Variants in BTBD7 observed in about 807,000 individuals in gnomAD.
The protein encoded by BTBD7 is BTB/POZ domain-containing protein 7.
BTBD7 carries 38 observed loss-of-function variants against 99.9 expected under a neutral mutation model. The observed-to-expected ratio is 0.38, with a 90% CI of 0.29 to 0.50. BTBD7 has a LOEUF of 0.50. Ranked by LOEUF, BTBD7 falls within the 20% of genes least tolerant of loss-of-function variation. BTBD7 has a pLI of 0.93. For synonymous variants in BTBD7, 520 were observed against 511.4 expected (o/e 1.02, Z -0.23); for missense variants, 1,170 against 1,394.6 (o/e 0.84, Z 2.57).
chr14:93,264,301 C>T (rs1054399093), intron 3 of BTBD7, among the ~76,000 whole-genome samples: 2 of 151,928 alleles, frequency 1.3e-5, no homozygotes, highest in African/African-American at 2.4e-5. Flanking sequence ...AGACATTGGA[C>T]CAAAAGGGAA....
chr14:93,319,228 C>T (rs2053242278), intron 1 of BTBD7, among the ~76,000 whole-genome samples: 1 of 152,122 alleles, frequency 6.6e-6, no homozygotes, highest in South Asian at 2.1e-4. Context: ...ATAACAACAA[C>T]CAAAACCAAA....
At chr14:93,281,873 TA>T (rs2052724733) in intron 3 of BTBD7, among the ~76,000 whole-genome samples, 1 of 152,236 alleles carries the variant, frequency 6.6e-6, no homozygotes, top group African/African-American at 2.4e-5. Flanking sequence ...TGAAATGAAT[TA>T]ATTCAGAGGT....
At chr14:93,289,851 C>CTTTTTTT (rs34820136) in intron 3 of BTBD7, among the ~76,000 whole-genome samples, 1 of 98,458 alleles carries the variant, frequency 1.0e-5, no homozygotes, top group Non-Finnish European at 2.0e-5. Flanking sequence ...ACTCTCTGGG[C>CTTTTTTT]TTTTTTTTTT....
rs1214993931 is a variant in BTBD7 at position 93,311,121 on chromosome 14, G to GCA, written c.-106-14965_-106-14964insTG. Among the ~76,000 whole-genome samples, 3 of 152,132 alleles carry GCA rather than the reference G, an allele frequency of 2.0e-5. No homozygotes were observed. In the East Asian group the frequency reaches 5.8e-4, roughly 29 times the overall value. ...TTCCTAGCATCCTTAAAGACAATCA[G>GCA]TGAGTTTTAAAAAGTTATGAATTAA... On this transcript the variant is annotated intron_variant, in intron 1 of 10. Transcript: ENST00000334746.
rs556880017 is a variant in BTBD7, at chr14:93,308,300, A to G, written c.-106-12143T>C. Among the ~76,000 whole-genome samples, 563 of 104,384 alleles carry G rather than the reference A, an allele frequency of 5.4e-3. 3 individuals carry two copies. The highest frequency in any genetic ancestry group is 8.9e-3 in the Non-Finnish European group (402 of 45,402). 68.5% of individuals were successfully genotyped at this position (104,384 alleles called of 152,430 possible). A position where few individuals can be genotyped will look rare whatever the true frequency, so the allele number is the denominator to read the frequency against. On this transcript the variant is annotated intron_variant, in intron 1 of 10. Coordinates refer to ENST00000334746, the MANE Select transcript of BTBD7 (RefSeq NM_001002860.4). ...AGACTCGGTCTCCAAAAAAAAAAAAAAAAAGAAAAGAAAAGAAAATTGGAT... is the reference window on the plus strand; with the variant it reads ...AGACTCGGTCTCCAAAAAAAAAAAAGAAAAGAAAAGAAAAGAAAATTGGAT...
chr14:93,273,043 A>T (rs1429521879), intron 3 of BTBD7, among the ~76,000 whole-genome samples: 1 of 152,240 alleles, frequency 6.6e-6, no homozygotes, highest in African/African-American at 2.4e-5. Context: ...CAAAGATAAC[A>T]GAAATGGCCC....
intron 1 of BTBD7, among the ~76,000 whole-genome samples, chr14:93,316,495 C>A (rs1156537260): frequency 6.6e-6 from 1 of 152,114 alleles, no homozygotes; most frequent in Non-Finnish European, 1.5e-5. Flanking sequence ...GTGATCCTCC[C>A]ACTTTGGCCT....
At chr14:93,265,031 G>A (rs1284426697) in intron 3 of BTBD7, among the ~76,000 whole-genome samples, 1 of 152,206 alleles carries the variant, frequency 6.6e-6, no homozygotes, top group African/African-American at 2.4e-5. Context: ...GGAGGTTGCA[G>A]TGAGCTGAAA....
chr14:93,258,242 T>C (rs1382507072), intron 5 of BTBD7, among the ~76,000 whole-genome samples: 4 of 151,402 alleles, frequency 2.6e-5, no homozygotes, highest in Non-Finnish European at 4.4e-5. Flanking sequence ...AGAGAGAGAA[T>C]TGATTGTTTT....
At chr14:93,245,060 C>T (rs1207705331) in intron 10 of BTBD7, among the ~76,000 whole-genome samples, 1 of 150,940 alleles carries the variant, frequency 6.6e-6, no homozygotes, top group East Asian at 1.9e-4. Context: ...CAGGGTCTCA[C>T]TATGTTTCCT....
At chr14:93,332,618 G>C (rs979872865) in intron 1 of BTBD7, among the ~76,000 whole-genome samples, 1 of 151,598 alleles carries the variant, frequency 6.6e-6, no homozygotes. Context: ...CACAGAGACC[G>C]GCCAGTCCGG....
chr14:93,300,796 T>G (rs1398537702), intron 1 of BTBD7, among the ~76,000 whole-genome samples: 1 of 144,942 alleles, frequency 6.9e-6, no homozygotes, highest in Non-Finnish European at 1.5e-5. Flanking sequence ...ATTTTTTTTT[T>G]GTAGAGATAG....
intron 3 of BTBD7, among the ~76,000 whole-genome samples, chr14:93,290,466 C>T (rs1392429755): frequency 6.7e-6 from 1 of 150,254 alleles, no homozygotes; most frequent in African/African-American, 2.4e-5. Context: ...CCTGCCCCGG[C>T]CTCCCAAAGT....
chr14:93,332,022 C>A (rs1449133489), intron 1 of BTBD7, among the ~76,000 whole-genome samples: 1 of 152,178 alleles, frequency 6.6e-6, no homozygotes, highest in Admixed American at 6.5e-5. Context: ...ATTAGGCCTA[C>A]TCCAGAGTAC....
chr14:93,292,678 C>T (rs141975482), intron 3 of BTBD7, among the ~76,000 whole-genome samples: 244 of 152,270 alleles, frequency 1.6e-3, no homozygotes, highest in Non-Finnish European at 2.9e-3. Context: ...TGAGTTCTCA[C>T]TATGCTGCCC....
intron 1 of BTBD7, among the ~76,000 whole-genome samples, chr14:93,326,167 T>A (rs2053328617): frequency 6.6e-6 from 1 of 152,196 alleles, no homozygotes; most frequent in Non-Finnish European, 1.5e-5. Context: ...TTGAAAAGTT[T>A]CGTTGAAATT....
chr14:93,312,929 C>T (rs752407667), intron 1 of BTBD7, among the ~76,000 whole-genome samples: 1 of 152,122 alleles, frequency 6.6e-6, no homozygotes, highest in Non-Finnish European at 1.5e-5. Context: ...GCCATGCCCA[C>T]TGGAGTGACA....
chr14:93,281,731 AAACC>A (rs1008847764), intron 3 of BTBD7, among the ~76,000 whole-genome samples: 1 of 152,236 alleles, frequency 6.6e-6, no homozygotes, highest in Non-Finnish European at 1.5e-5. Flanking sequence ...TTTGTAAGGA[AAACC>A]ATCAAACTGG....
intron 3 of BTBD7, among the ~76,000 whole-genome samples, chr14:93,265,652 C>T (rs140596334): frequency 0.035 from 5,285 of 152,260 alleles, 300 homozygotes; most frequent in African/African-American, 0.12. Context: ...CCGGGTGCGG[C>T]GGCGCACGCC....
Sources: allele counts gnomAD v4.1 joint callset (sites outside exome capture counted in the v4.1 genomes callset), GRCh38; gene constraint gnomAD v4.1.1; transcripts MANE v1.5; gene names NCBI Gene and HGNC (gene_info 2026-07-23, HGNC 2026-07-21).